The following SGCD variants were observed in gnomAD, a reference collection of about 807,000 sequenced individuals.
The protein encoded by SGCD is delta-sarcoglycan.
In SGCD, 18 loss-of-function variants were observed where a neutral mutation model predicts 36.6. The observed-to-expected ratio is 0.49, with a 90% CI of 0.34 to 0.73. SGCD has a LOEUF of 0.73. Ranked by LOEUF, SGCD falls within the 30% of genes least tolerant of loss-of-function variation. The pLI is 0.01. For missense variants in SGCD, 387 were observed against 346.7 expected, an observed-to-expected ratio of 1.12 and a Z score of -0.92; for synonymous variants, 133 against 130.6, an observed-to-expected ratio of 1.02 and a Z score of -0.12.
At chr5:156,647,986 T>A (rs1763295011) in intron 7 of SGCD, among the ~76,000 whole-genome samples, 2 of 152,128 alleles carry the variant, frequency 1.3e-5, no homozygotes, top group Non-Finnish European at 2.9e-5. Flanking sequence ...ATGTTCCAGG[T>A]GCTGATGTTA....
chr5:156,566,436 A>G (rs1240521939), intron 4 of SGCD, among the ~76,000 whole-genome samples: 2 of 152,176 alleles, frequency 1.3e-5, no homozygotes, highest in African/African-American at 4.8e-5. Flanking sequence ...AAGAAACATT[A>G]AAACTTAACC....
intron 4 of SGCD, among the ~76,000 whole-genome samples, chr5:156,567,462 G>C (rs1196242254): frequency 5.3e-5 from 8 of 152,286 alleles, no homozygotes; most frequent in Non-Finnish European, 1.0e-4. Flanking sequence ...AGGCTGGCAA[G>C]TTCAAGATAT....
chr5:155,892,630 A>T (rs1356987173), intron 1 of SGCD, among the ~76,000 whole-genome samples: 1 of 152,132 alleles, frequency 6.6e-6, no homozygotes, highest in Non-Finnish European at 1.5e-5. Flanking sequence ...ATCACCTAGA[A>T]TTTGGAATTT....
the SGCD span, among the ~76,000 whole-genome samples, chr5:155,752,386 C>T: frequency 3.9e-5 from 6 of 152,150 alleles, no homozygotes; most frequent in African/African-American, 1.4e-4. Context: ...TCATTCAAGC[C>T]GTCTGCTTTT....
the SGCD span, among the ~76,000 whole-genome samples, chr5:155,829,710 G>A: frequency 9.4e-3 from 1,438 of 152,252 alleles, 22 homozygotes; most frequent in African/African-American, 0.033. Flanking sequence ...ATTTCTTTAC[G>A]TTTCCATTGA....
At chr5:156,743,208 T>G (rs1434029725) in intron 7 of SGCD, among the ~76,000 whole-genome samples, 2 of 147,054 alleles carry the variant, frequency 1.4e-5, no homozygotes, top group South Asian at 2.2e-4. Flanking sequence ...GCCTCCTGGG[T>G]TCAAGCGATT....
the SGCD span, among the ~76,000 whole-genome samples, chr5:155,730,068 A>G: frequency 1.3e-5 from 2 of 152,166 alleles, no homozygotes; most frequent in Non-Finnish European, 2.9e-5. Context: ...GTATGGGCAT[A>G]CACGTGTTGT....
At chr5:156,641,496 G>T (rs1763026771) in intron 6 of SGCD, among the ~76,000 whole-genome samples, 1 of 152,078 alleles carries the variant, frequency 6.6e-6, no homozygotes, top group African/African-American at 2.4e-5. Flanking sequence ...AAATATTCCT[G>T]GTAAATATCA....
intron 6 of SGCD, among the ~76,000 whole-genome samples, chr5:156,633,836 A>G (rs1310394007): frequency 6.6e-6 from 1 of 152,198 alleles, no homozygotes; most frequent in Non-Finnish European, 1.5e-5. Flanking sequence ...AGTTAAGATC[A>G]TCTCTGATAA....
intron 1 of SGCD, among the ~76,000 whole-genome samples, chr5:155,878,340 G>T (rs1755809403): frequency 6.6e-6 from 1 of 151,992 alleles, no homozygotes; most frequent in Non-Finnish European, 1.5e-5. Context: ...TTCTTAGCAT[G>T]TTGGCTTGTC....
chr5:156,436,016 C>T (rs953164730), intron 3 of SGCD, among the ~76,000 whole-genome samples: 1 of 152,102 alleles, frequency 6.6e-6, no homozygotes, highest in Non-Finnish European at 1.5e-5. Context: ...CAAGTGTGGA[C>T]CCCACCTGTG....
the SGCD span, among the ~76,000 whole-genome samples, chr5:155,828,867 A>C: frequency 6.6e-6 from 1 of 151,908 alleles, no homozygotes; most frequent in Admixed American, 6.6e-5. Context: ...TTATATTTTT[A>C]GTAGAGACGA....
At chr5:156,403,843 C>CT (rs35092486) in intron 3 of SGCD, among the ~76,000 whole-genome samples, 88,644 of 149,484 alleles carry the variant, frequency 0.59, 26,650 homozygotes, top group Middle Eastern at 0.71. Context: ...ATTTTTTTTT[C>CT]TTTTTTTTTG....
chr5:156,070,674 T>G (rs935320730), intron 1 of SGCD, among the ~76,000 whole-genome samples: 7 of 152,174 alleles, frequency 4.6e-5, no homozygotes, highest in African/African-American at 1.7e-4. Context: ...TTCCCCCTTT[T>G]TCTATTGATT....
intron 4 of SGCD, among the ~76,000 whole-genome samples, chr5:156,580,503 T>G (rs1268019525): frequency 1.3e-5 from 2 of 152,190 alleles, no homozygotes; most frequent in African/African-American, 4.8e-5. Context: ...TTTTCCAACT[T>G]GGTTCCATTC....
intron 1 of SGCD, among the ~76,000 whole-genome samples, chr5:155,928,088 T>C (rs1757027908): frequency 6.6e-6 from 1 of 152,216 alleles, no homozygotes; most frequent in South Asian, 2.1e-4. Flanking sequence ...TTGTGAATAA[T>C]TTGTACTGTT....
chr5:156,123,401 G>C (rs1275312555), intron 2 of SGCD, among the ~76,000 whole-genome samples: 1 of 152,068 alleles, frequency 6.6e-6, no homozygotes, highest in Non-Finnish European at 1.5e-5. Flanking sequence ...AGTAAGATTG[G>C]TACCTTAGAA....
chr5:155,778,094 T>A, the SGCD span, among the ~76,000 whole-genome samples: 7 of 152,220 alleles, frequency 4.6e-5, no homozygotes, highest in African/African-American at 1.4e-4. Flanking sequence ...AACTGGATAC[T>A]TAGACATGAA....
intron 1 of SGCD, among the ~76,000 whole-genome samples, chr5:155,923,250 G>A (rs1756925753): frequency 6.7e-6 from 1 of 149,828 alleles, no homozygotes; most frequent in Admixed American, 6.7e-5. Flanking sequence ...ACTAATACAT[G>A]TATAATTTAC....
Sources: allele counts gnomAD v4.1 joint callset (sites outside exome capture counted in the v4.1 genomes callset), GRCh38; gene constraint gnomAD v4.1.1; transcripts MANE v1.5; gene names NCBI Gene and HGNC (gene_info 2026-07-23, HGNC 2026-07-21).